The following ZZZ3 variants were observed in gnomAD, a reference collection of about 807,000 sequenced individuals.
ZZZ3 encodes the protein ZZ-type zinc finger-containing protein 3.
Under a neutral mutation model 95.2 loss-of-function variants are expected in ZZZ3, and 22 were observed. The observed-to-expected ratio is 0.23, with a 90% CI of 0.17 to 0.33. The LOEUF is 0.33. Ranked by LOEUF, ZZZ3 falls within the 10% of genes least tolerant of loss-of-function variation. The probability of loss-of-function intolerance (pLI) is 1.00; values close to 1 mark genes in which losing one functional copy is unlikely to be tolerated. For synonymous variants in ZZZ3, 335 were observed against 358.9 expected, an observed-to-expected ratio of 0.93 and a Z score of 0.75; for missense variants, 885 against 1,066.5, an observed-to-expected ratio of 0.83 and a Z score of 2.37.
chr1:77,657,873 CA>C (rs1381458227), intron 1 of ZZZ3, among the ~76,000 whole-genome samples: 6 of 152,142 alleles, frequency 3.9e-5, no homozygotes, highest in Non-Finnish European at 8.8e-5. Flanking sequence ...CCCATTTCAA[CA>C]ACCACTTAAC....
At chr1:77,644,072 T>C (rs1053282669) in intron 1 of ZZZ3, among the ~76,000 whole-genome samples, 1 of 152,124 alleles carries the variant, frequency 6.6e-6, no homozygotes, top group African/African-American at 2.4e-5. Flanking sequence ...CTTTTTTTTT[T>C]TTTTCTTTTT....
At chr1:77,677,273 G>C (rs1314494671) in intron 1 of ZZZ3, 2 of 152,210 alleles carry the variant, frequency 1.3e-5, no homozygotes, top group Non-Finnish European at 2.9e-5. Context: ...GGGGGGTAGA[G>C]GCTGCAGTGA....
chr1:77,579,267 T>C (rs1196772109), intron 10 of ZZZ3, among the ~76,000 whole-genome samples: 1 of 152,234 alleles, frequency 6.6e-6, no homozygotes. Flanking sequence ...ACAATTAGTA[T>C]ATTTAGTAAG....
chr1:77,566,053 G>A (rs767407656), intron 14 of ZZZ3, 28 bp downstream of exon 14: 1 of 1,547,370 alleles, frequency 6.5e-7, no homozygotes, highest in Non-Finnish European at 8.9e-7. Context: ...TGTCTAAGTT[G>A]AAGACTGACA....
intron 1 of ZZZ3, among the ~76,000 whole-genome samples, chr1:77,666,750 A>T (rs1231266808): frequency 6.6e-6 from 1 of 152,206 alleles, no homozygotes; most frequent in Admixed American, 6.5e-5. Context: ...GACAATAAAC[A>T]TCAGGTATGA....
chr1:77,649,490 G>A (rs1277476380), intron 1 of ZZZ3, among the ~76,000 whole-genome samples: 1 of 151,998 alleles, frequency 6.6e-6, no homozygotes, highest in African/African-American at 2.4e-5. Flanking sequence ...AATGTTAAAA[G>A]AAGTTCTTTA....
Position 77,578,780 on chromosome 1 carries a change from G to T in ZZZ3, c.2172C>A (p.Ser724=). ...PGRTPNLYIY[S]KKSSTSRRQH... Reference sequence around the variant, plus strand: ...TTCATGTATTTTCTTTTACCTTTTTGGAGTATATATATAAGTTTGGTGTTC... The same window carrying T: ...TTCATGTATTTTCTTTTACCTTTTTTGAGTATATATATAAGTTTGGTGTTC... The change falls in exon 11 of 15, where the codon TCC becomes TCA. Residue 724 remains serine (S), a synonymous_variant. Coordinates refer to ENST00000370801, the MANE Select transcript of ZZZ3 (RefSeq NM_015534.6). 1.3e-6 allele frequency: 2 copies of T among 1,514,924 alleles called. No homozygotes were observed. The highest frequency in any genetic ancestry group is 1.8e-6 in the Non-Finnish European group (2 of 1,135,530). 93.8% of individuals were successfully genotyped at this position (1,514,924 alleles called of 1,614,324 possible). A position where few individuals can be genotyped will look rare whatever the true frequency, so the allele number is the denominator to read the frequency against.
rs775679905 is a variant in ZZZ3, at chr1:77,568,517, T to TTA, written c.2332-53_2332-52dup. 3 of 976,322 alleles carry TTA rather than the reference T, an allele frequency of 3.1e-6. No homozygotes were observed. The South Asian group carries it at 5.1e-5, about 17-fold the overall frequency. The allele number at this position is 976,322 out of a possible 1,614,324, so 60.5% of individuals were successfully genotyped here. The stretch of plus-strand genomic sequence containing the variant: ...ATGTTGGTTTGGTAATTAAAATGAA[T>TTA]TAAGTGTAAGTAATACTGATACAGA... On this transcript the variant is annotated intron_variant, in intron 12 of 14. Transcript: ENST00000370801.
chr1:77,663,190 TG>T (rs1670966722), intron 1 of ZZZ3, among the ~76,000 whole-genome samples: 1 of 152,168 alleles, frequency 6.6e-6, no homozygotes, highest in Non-Finnish European at 1.5e-5. Flanking sequence ...ATGCAATGTA[TG>T]ATCTTCGATT....
At chr1:77,653,222 G>C (rs979261713) in intron 1 of ZZZ3, among the ~76,000 whole-genome samples, 15 of 151,956 alleles carry the variant, frequency 9.9e-5, no homozygotes, top group Admixed American at 8.5e-4. Flanking sequence ...GAAGAATCCA[G>C]AATAGGCAAA....
chr1:77,582,016 T>C lies in ZZZ3; in HGVS notation c.1755A>G (p.Lys585=). The C allele has an allele frequency of 6.2e-7, 1 of 1,610,426 alleles. No individual in the cohort carries two copies. Among genetic ancestry groups the C allele is most frequent in the Non-Finnish European group, 8.5e-7 (1 of 1,177,018 alleles). The change falls in exon 7 of 15, where the codon AAA becomes AAG. Residue 585 remains lysine (K), a synonymous_variant. Transcript: ENST00000370801. ...GNFEREFKNR[K]RHTRRVKLVF... is the part of the protein sequence containing the mutation. Reference sequence around the variant, plus strand: ...CTAGCTTAACTCTTCTAGTATGTCTTTTACGATTTTTAAATTCTCTTTCAA... The same window carrying C: ...CTAGCTTAACTCTTCTAGTATGTCTCTTACGATTTTTAAATTCTCTTTCAA...
At chr1:77,605,530 T>C (rs918255834) in intron 5 of ZZZ3, among the ~76,000 whole-genome samples, 1 of 151,662 alleles carries the variant, frequency 6.6e-6, no homozygotes, top group African/African-American at 2.4e-5. Context: ...ATTAAGGGAG[T>C]GCTTGCACCA....
chr1:77,632,042 T>C lies in ZZZ3; in HGVS notation c.1313A>G (p.Lys438Arg), dbSNP rs1667856652. 1 of 1,614,132 alleles carries C rather than the reference T, an allele frequency of 6.2e-7. No homozygotes were observed. The highest frequency in any genetic ancestry group is 8.5e-7 in the Non-Finnish European group (1 of 1,180,002). Reference protein sequence around the residue: ...TNPGEISQNEKGICCDSQNNG... With the variant: ...TNPGEISQNERGICCDSQNNG... ...ATTTTGAGAGTCACAACATATCCCTTTTTCATTTTGAGAAATTTCACCAGG... is the reference window on the plus strand; with the variant it reads ...ATTTTGAGAGTCACAACATATCCCTCTTTCATTTTGAGAAATTTCACCAGG... Residue 438 changes from lysine (K) to arginine (R), a missense_variant, in exon 5 of 15, where the codon AAA (lysine) becomes AGA (arginine). Physicochemically the swap from Lys to Arg is conservative, Grantham distance 26. This residue lies in a region of ZZZ3 where 556 missense variants were observed against 652.9 expected (regional missense o/e 0.85). Transcript: ENST00000370801.
chr1:77,607,895 G>A (rs539269214), intron 5 of ZZZ3, among the ~76,000 whole-genome samples: 1 of 150,122 alleles, frequency 6.7e-6, no homozygotes, highest in Non-Finnish European at 1.5e-5. Context: ...ACTCCAGCCT[G>A]GGCGACAGAA....
At chr1:77,678,834 C>T (rs1237289728) in intron 1 of ZZZ3, among the ~76,000 whole-genome samples, 1 of 152,050 alleles carries the variant, frequency 6.6e-6, no homozygotes, top group African/African-American at 2.4e-5. Context: ...TTTTTTATGT[C>T]CAGGATTGCT....
At chr1:77,635,516 A>G (rs1311310780) in intron 4 of ZZZ3, among the ~76,000 whole-genome samples, 8 of 152,238 alleles carry the variant, frequency 5.3e-5, no homozygotes. Context: ...GAAGATTACA[A>G]TCTGTTTCTT....
intron 12 of ZZZ3, among the ~76,000 whole-genome samples, chr1:77,571,379 T>C (rs1367399757): frequency 1.3e-5 from 2 of 152,206 alleles, no homozygotes; most frequent in Non-Finnish European, 2.9e-5. Context: ...ACAGCTCCTA[T>C]GGAAAACAGT....
intron 1 of ZZZ3, among the ~76,000 whole-genome samples, chr1:77,671,770 T>TTTCAATC (rs1193572271): frequency 6.6e-6 from 1 of 152,166 alleles, no homozygotes; most frequent in Non-Finnish European, 1.5e-5. Flanking sequence ...AAGCAGCTCT[T>TTTCAATC]TTCAATCTTC....
chr1:77,650,955 A>G (rs953341221), intron 1 of ZZZ3, among the ~76,000 whole-genome samples: 9 of 152,210 alleles, frequency 5.9e-5, no homozygotes, highest in African/African-American at 2.2e-4. Context: ...CATTGAGGAC[A>G]TAATAATCTT....
Sources: allele counts gnomAD v4.1 joint callset (sites outside exome capture counted in the v4.1 genomes callset), GRCh38; gene constraint gnomAD v4.1.1; regional missense constraint gnomAD v4.1.1; transcripts MANE v1.5; gene names NCBI Gene and HGNC (gene_info 2026-07-23, HGNC 2026-07-21).